AGFG1: variants seen among roughly 807,000 people sequenced by gnomAD.
AGFG1 encodes ArfGAP with FG repeats 1, also known as arf-GAP domain and FG repeat-containing protein 1.
A neutral mutation model predicts 60.6 loss-of-function variants in AGFG1; 10 were observed. That is an observed-to-expected ratio of 0.16 (90% CI 0.10 to 0.28). The LOEUF (loss-of-function observed/expected upper bound fraction) is 0.28, where lower values mean the gene tolerates loss of function less well. Ranked by LOEUF, AGFG1 falls within the 10% of genes least tolerant of loss-of-function variation. The probability of loss-of-function intolerance (pLI) is 1.00; values close to 1 mark genes in which losing one functional copy is unlikely to be tolerated. For missense variants in AGFG1, 537 were observed against 676.5 expected (o/e 0.79, Z 2.29); for synonymous variants, 247 against 242.9 (o/e 1.02, Z -0.16).
intron 10 of AGFG1, among the ~76,000 whole-genome samples, chr2:227,541,256 C>G (rs551825966): frequency 9.9e-5 from 15 of 152,094 alleles, no homozygotes; most frequent in Admixed American, 2.6e-4. Context: ...GTTTTAGTCA[C>G]GAAGTCCTTG....
At chr2:227,531,323 A>G in intron 6 of AGFG1, 113 bp downstream of exon 6, 5 of 1,263,140 alleles carry the variant, frequency 4.0e-6, no homozygotes, top group Non-Finnish European at 5.4e-6. Context: ...TGACTTTAAA[A>G]TGGTTCTATC....
chr2:227,558,608 T>G lies in AGFG1; in HGVS notation c.*4113T>G, dbSNP rs899305327. The G allele has an allele frequency of 9.2e-5, 14 of 152,146 alleles. No individual in the cohort carries two copies. Among genetic ancestry groups the G allele is most frequent in the African/African-American group, 3.1e-4 (13 of 41,414 alleles). The allele number at this position is 152,146 out of a possible 1,614,324, so 9.4% of individuals were successfully genotyped here. A position where few individuals can be genotyped will look rare whatever the true frequency, so the allele number is the denominator to read the frequency against. ...GTTGTATTCATCCTCATTAGTTAAG[T>G]TTTTCTTTTTATGTTTTAAAACTTA... On this transcript the variant is annotated 3_prime_UTR_variant, in exon 13 of 13. Coordinates refer to ENST00000310078, the MANE Select transcript of AGFG1 (RefSeq NM_004504.5).
rs1186191406 is a variant in AGFG1 at position 227,534,996 on chromosome 2, T to C, written c.1176T>C (p.Asn392=). Residue 392 remains asparagine, a synonymous_variant, in exon 8 of 13, where the codon AAT becomes AAC. Transcript: ENST00000310078. ...TCAGTTCTGCAGCCACCTCCAGTAA[T>C]GCGTATACTTCCACAAGTAATGCTA... ...SVFSSAATSS[N]AYTSTSNASS... 2 of 1,613,592 alleles carry C rather than the reference T, an allele frequency of 1.2e-6. No homozygotes were observed. Among genetic ancestry groups the C allele is most frequent in the Non-Finnish European group, 1.7e-6 (2 of 1,179,720 alleles).
chr2:227,541,023 G>A (rs530287355), intron 10 of AGFG1, among the ~76,000 whole-genome samples: 6 of 152,238 alleles, frequency 3.9e-5, no homozygotes, highest in Admixed American at 1.3e-4. Flanking sequence ...CATATCCTTC[G>A]CCCACTTTTT....
intron 2 of AGFG1, 63 bp from the exon 3 acceptor site, chr2:227,519,885 C>A: frequency 1.1e-6 from 1 of 912,032 alleles, no homozygotes; most frequent in South Asian, 1.6e-5. Flanking sequence ...CATAGTATCC[C>A]CTTAAAATTT....
Position 227,554,622 on chromosome 2 carries a change from A to G in AGFG1, c.*127A>G, listed in dbSNP as rs1454129010. On this transcript the variant is annotated 3_prime_UTR_variant, in exon 13 of 13. Transcript: ENST00000310078. ...CAAGAGAAGTCTTTAAAAAGCCTGC[A>G]TTGTGTATTAAACACCAGGTAATAT... 1.3e-6 allele frequency: 1 copy of G among 769,040 alleles called. No individual in the cohort carries two copies. Among genetic ancestry groups the G allele is most frequent in the Non-Finnish European group, 2.0e-6 (1 of 490,732 alleles). The allele number at this position is 769,040 out of a possible 1,614,324, so 47.6% of individuals were successfully genotyped here.
chr2:227,505,685 T>C (rs1364085220), intron 2 of AGFG1, among the ~76,000 whole-genome samples: 1 of 152,166 alleles, frequency 6.6e-6, no homozygotes, highest in Non-Finnish European at 1.5e-5. Flanking sequence ...TTCATTTTTA[T>C]TTATTGCAAG....
At chr2:227,504,084 TGAGGAGGAGGAA>T (rs1275790713) in intron 2 of AGFG1, among the ~76,000 whole-genome samples, 1 of 151,898 alleles carries the variant, frequency 6.6e-6, no homozygotes, top group East Asian at 1.9e-4. Flanking sequence ...TTCAGTAGGC[TGAGGAGGAGGAA>T]GAGGAGGAGG....
Position 227,554,546 on chromosome 2 carries a change from C to A in AGFG1, c.*51C>A. 1 of 1,405,028 alleles carries A rather than the reference C, an allele frequency of 7.1e-7. No homozygotes were observed. The highest frequency in any genetic ancestry group is 1.0e-6 in the Non-Finnish European group (1 of 997,116). The allele number at this position is 1,405,028 out of a possible 1,614,324, so 87.0% of individuals were successfully genotyped here. On this transcript the variant is annotated 3_prime_UTR_variant, in exon 13 of 13. Transcript: ENST00000310078. ...GAACTTTTATGTGGTCACATTACAT[C>A]TCTCCACCTCTTGCACTGTTGTCTT... is the stretch of plus-strand genomic sequence containing the variant.
At chr2:227,485,376 A>G (rs1460692851) in intron 1 of AGFG1, among the ~76,000 whole-genome samples, 2 of 148,520 alleles carry the variant, frequency 1.3e-5, no homozygotes, top group African/African-American at 5.0e-5. Context: ...AGCTAGGATT[A>G]CAGGCACCCG....
chr2:227,550,141 G>C, intron 10 of AGFG1: 1 of 414,460 alleles, frequency 2.4e-6, no homozygotes, highest in South Asian at 1.8e-5. Flanking sequence ...GATTTGTGTG[G>C]CAATTTGTCT....
chr2:227,523,622 G>A (rs992454848), intron 3 of AGFG1, 141 bp from the exon 4 acceptor site: 1 of 698,864 alleles, frequency 1.4e-6, no homozygotes, highest in Non-Finnish European at 2.2e-6. Context: ...TAAAAAATAT[G>A]CAAAGTTATT....
At chr2:227,508,035 C>T (rs868824206) in intron 2 of AGFG1, among the ~76,000 whole-genome samples, 2 of 151,522 alleles carry the variant, frequency 1.3e-5, no homozygotes, top group African/African-American at 2.4e-5. Flanking sequence ...GTGAGCCACC[C>T]GTGTATTCAG....
chr2:227,523,053 A>T (rs1044993658), intron 3 of AGFG1, among the ~76,000 whole-genome samples: 1 of 152,198 alleles, frequency 6.6e-6, no homozygotes, highest in African/African-American at 2.4e-5. Flanking sequence ...GTTAACATCC[A>T]TGTGTACATG....
chr2:227,499,630 ACT>A (rs1453006091), intron 2 of AGFG1, among the ~76,000 whole-genome samples: 1 of 146,772 alleles, frequency 6.8e-6, no homozygotes, highest in Non-Finnish European at 1.5e-5. Context: ...ACAGAGTGAG[ACT>A]CTGTCTCAAA....
At chr2:227,541,216 A>G (rs1436108045) in intron 10 of AGFG1, among the ~76,000 whole-genome samples, 3 of 152,074 alleles carry the variant, frequency 2.0e-5, no homozygotes, top group East Asian at 1.9e-4. Flanking sequence ...TCATTTGTCT[A>G]TTTTGGCTTT....
chr2:227,537,015 A>G (rs746293919), intron 10 of AGFG1, 22 bp downstream of exon 10: 2 of 1,596,792 alleles, frequency 1.3e-6, no homozygotes, highest in Non-Finnish European at 1.7e-6. Context: ...AGACAGTGGA[A>G]CAGTAAGTTT....
At chr2:227,520,114 A>G (rs762325021) in intron 3 of AGFG1, 51 bp downstream of exon 3, 2 of 1,106,412 alleles carry the variant, frequency 1.8e-6, no homozygotes, top group Non-Finnish European at 1.3e-6. Context: ...TCACATATTA[A>G]CTATGGGTAA....
chr2:227,489,415 T>A (rs530569149), intron 1 of AGFG1, among the ~76,000 whole-genome samples: 1 of 151,164 alleles, frequency 6.6e-6, no homozygotes, highest in South Asian at 2.1e-4. Context: ...AGAGATGGGG[T>A]TTCACCATGT....
Sources: allele counts gnomAD v4.1 joint callset (sites outside exome capture counted in the v4.1 genomes callset), GRCh38; gene constraint gnomAD v4.1.1; transcripts MANE v1.5; gene names NCBI Gene and HGNC (gene_info 2026-07-23, HGNC 2026-07-21).